Variants in SH3GLB1 observed in about 807,000 individuals in gnomAD.
SH3GLB1 encodes the protein SH3 domain containing GRB2 like, endophilin B1.
In SH3GLB1, 17 loss-of-function variants were observed where a neutral mutation model predicts 42.0. That is an observed-to-expected ratio of 0.40 (90% CI 0.28 to 0.61). The LOEUF (loss-of-function observed/expected upper bound fraction) is 0.61, where lower values mean the gene tolerates loss of function less well. SH3GLB1 is among the 20% of genes least tolerant of loss of function. The pLI, the probability that SH3GLB1 is intolerant of heterozygous loss-of-function variation, is 0.36. For missense variants in SH3GLB1, 355 were observed against 426.3 expected (o/e 0.83, Z 1.47); for synonymous variants, 132 against 146.6 (o/e 0.90, Z 0.72).
chr1:86,708,527 G>A lies in SH3GLB1; in HGVS notation c.72+3556G>A, dbSNP rs546339033. 2.0e-5 allele frequency among the ~76,000 whole-genome samples: 3 copies of A among 152,180 alleles called. No individual in the cohort carries two copies. In the East Asian group the frequency reaches 5.8e-4, roughly 29 times the overall value. On this transcript the variant is annotated intron_variant, in intron 1 of 8. Coordinates refer to ENST00000370558, the MANE Select transcript of SH3GLB1 (RefSeq NM_016009.5). ...TCAAACTAGTAAAGCACATAGATGC[G>A]TCCCATCACCACTCCACTTCCCTCC... is the stretch of plus-strand genomic sequence containing the variant.
At chr1:86,730,935 AT>A (rs749840161) in intron 5 of SH3GLB1, among the ~76,000 whole-genome samples, 7 of 152,210 alleles carry the variant, frequency 4.6e-5, no homozygotes, top group Non-Finnish European at 7.3e-5. Flanking sequence ...CAAGTATTTG[AT>A]TTTACTACAG....
intron 1 of SH3GLB1, among the ~76,000 whole-genome samples, chr1:86,714,274 A>G (rs1401384521): frequency 6.6e-6 from 1 of 152,198 alleles, no homozygotes; most frequent in Admixed American, 6.5e-5. Flanking sequence ...TGTAAAGACT[A>G]CGGGGTTCTC....
At chr1:86,713,887 T>C (rs1320679574) in intron 1 of SH3GLB1, among the ~76,000 whole-genome samples, 1 of 152,234 alleles carries the variant, frequency 6.6e-6, no homozygotes, top group African/African-American at 2.4e-5. Flanking sequence ...GTCTTTGCCA[T>C]TAAAATGTAA....
Position 86,724,874 on chromosome 1 carries a change from TAAAA to T in SH3GLB1, c.570+485_570+488del, listed in dbSNP as rs1165438979. Among the ~76,000 whole-genome samples, 967 of 97,876 alleles carry T rather than the reference TAAAA, an allele frequency of 9.9e-3. 44 individuals are homozygous for T. Among genetic ancestry groups the T allele is most frequent in the African/African-American group, 0.045 (904 of 20,234 alleles). 64.2% of individuals were successfully genotyped at this position (97,876 alleles called of 152,430 possible). On this transcript the variant is annotated intron_variant, in intron 5 of 8. Transcript: ENST00000370558. ...GGGCAACAGAGCCAGACCCTGTCTT[TAAAA>T]AAAAAAAAAAAAAAATATATATATA...
At chr1:86,707,519 C>T (rs968201270) in intron 1 of SH3GLB1, among the ~76,000 whole-genome samples, 3 of 151,916 alleles carry the variant, frequency 2.0e-5, no homozygotes, top group African/African-American at 7.3e-5. Flanking sequence ...TGGCTTGAGC[C>T]GTTTATTAAG....
rs1411218899 is a variant in SH3GLB1, at chr1:86,744,061, G to C, written c.*826G>C. On this transcript the variant is annotated 3_prime_UTR_variant, in exon 9 of 9. Transcript: ENST00000370558. ...GAGAATGTGTTCTTATTGAACAGCA[G>C]ATTTGTATACAAATACGGAATAATG... The C allele has an allele frequency of 6.6e-6, 1 of 152,384 alleles. No homozygotes were observed. Among genetic ancestry groups the C allele is most frequent in the Non-Finnish European group, 1.5e-5 (1 of 68,018 alleles). The allele number at this position is 152,384 out of a possible 1,614,324, so 9.4% of individuals were successfully genotyped here.
At chr1:86,724,892 A>AAAAATATATATATATATATATAT (rs1291454820) in intron 5 of SH3GLB1, among the ~76,000 whole-genome samples, 19 of 99,658 alleles carry the variant, frequency 1.9e-4, no homozygotes, top group African/African-American at 3.2e-4. Context: ...AAAAAAAAAA[A>AAAAATATATATATATATATATAT]ATATATATAT....
chr1:86,712,419 A>G (rs1242252976), intron 1 of SH3GLB1, among the ~76,000 whole-genome samples: 1 of 152,222 alleles, frequency 6.6e-6, no homozygotes, highest in Non-Finnish European at 1.5e-5. Context: ...TGATAAGACT[A>G]TGACTCAAAC....
At chr1:86,716,065 C>G (rs566426811) in intron 2 of SH3GLB1, among the ~76,000 whole-genome samples, 200 bp downstream of exon 2, 5 of 152,098 alleles carry the variant, frequency 3.3e-5, no homozygotes, top group Admixed American at 6.5e-5. Context: ...TGATATTTTT[C>G]AGTCTTTTAT....
At chr1:86,736,881 A>C (rs976437777) in intron 7 of SH3GLB1, among the ~76,000 whole-genome samples, 1 of 152,240 alleles carries the variant, frequency 6.6e-6, no homozygotes, top group Non-Finnish European at 1.5e-5. Context: ...AAATATTCAA[A>C]TATAGAACTT....
chr1:86,738,903 CAA>C (rs1655918142), intron 7 of SH3GLB1, among the ~76,000 whole-genome samples: 1 of 152,240 alleles, frequency 6.6e-6, no homozygotes, highest in Non-Finnish European at 1.5e-5. Context: ...CTCAGCCTCT[CAA>C]AGTGCTGGGA....
At position 86,719,601 on chromosome 1, in the gene SH3GLB1, T is replaced by C; in HGVS notation, c.309T>C (p.Asp103=). ...NPELLGQYMI[D]AGTEFGPGTA... Reference sequence around the variant, plus strand: ...AACTTTTGGGACAATATATGATTGATGCAGGGACTGAGTTTGGCCCAGGAA... The same window carrying C: ...AACTTTTGGGACAATATATGATTGACGCAGGGACTGAGTTTGGCCCAGGAA... The change falls in exon 3 of 9, where the codon GAT becomes GAC. Residue 103 remains aspartate (D), a synonymous_variant. Coordinates refer to ENST00000370558, the MANE Select transcript of SH3GLB1 (RefSeq NM_016009.5). 1 of 1,610,956 alleles carries C rather than the reference T, an allele frequency of 6.2e-7. No individual in the cohort carries two copies. The highest frequency in any genetic ancestry group is 8.5e-7 in the Non-Finnish European group (1 of 1,178,438).
At chr1:86,707,612 A>C (rs2101907539) in intron 1 of SH3GLB1, among the ~76,000 whole-genome samples, 1 of 149,702 alleles carries the variant, frequency 6.7e-6, no homozygotes, top group East Asian at 2.0e-4. Context: ...GGATAAACTT[A>C]TATCATATCT....
chr1:86,711,365 G>A (rs921025119), intron 1 of SH3GLB1, among the ~76,000 whole-genome samples: 1 of 151,842 alleles, frequency 6.6e-6, no homozygotes, highest in Non-Finnish European at 1.5e-5. Context: ...AATTCTTTCC[G>A]CAAAGCAATA....
chr1:86,716,430 A>G (rs1654537910), intron 2 of SH3GLB1, among the ~76,000 whole-genome samples: 1 of 151,912 alleles, frequency 6.6e-6, no homozygotes, highest in African/African-American at 2.4e-5. Flanking sequence ...ATGTGCCACC[A>G]CGCCCAGCTA....
At chr1:86,734,958 G>C in intron 6 of SH3GLB1, 121 bp from the exon 7 acceptor site, 2 of 729,990 alleles carry the variant, frequency 2.7e-6, no homozygotes, top group East Asian at 5.1e-5. Flanking sequence ...AATAAGCCTT[G>C]TAGTAAAATG....
chr1:86,713,960 G>A (rs1456637336), intron 1 of SH3GLB1, among the ~76,000 whole-genome samples: 1 of 152,232 alleles, frequency 6.6e-6, no homozygotes, highest in African/African-American at 2.4e-5. Flanking sequence ...GTTTAGAAGA[G>A]TGCCTAGCAC....
intron 7 of SH3GLB1, 60 bp from the exon 8 acceptor site, chr1:86,742,148 G>C: frequency 8.0e-7 from 1 of 1,254,750 alleles, no homozygotes; most frequent in East Asian, 2.3e-5. Context: ...CCACCGAGTG[G>C]TGGTATTAAG....
At chr1:86,707,479 A>C (rs1317510477) in intron 1 of SH3GLB1, among the ~76,000 whole-genome samples, 1 of 152,108 alleles carries the variant, frequency 6.6e-6, no homozygotes, top group Non-Finnish European at 1.5e-5. Context: ...GGTATGAGAG[A>C]AAGATGAGTT....
Sources: allele counts gnomAD v4.1 joint callset (sites outside exome capture counted in the v4.1 genomes callset), GRCh38; gene constraint gnomAD v4.1.1; transcripts MANE v1.5; gene names NCBI Gene and HGNC (gene_info 2026-07-23, HGNC 2026-07-21).